Variants in PTPRD observed in about 807,000 individuals in gnomAD.
PTPRD encodes protein tyrosine phosphatase receptor type D.
A neutral mutation model predicts 214.5 loss-of-function variants in PTPRD; 34 were observed. The ratio of observed to expected loss-of-function variants is 0.16; its 90% CI spans 0.12 to 0.21. PTPRD has a LOEUF of 0.21. PTPRD is among the 10% of genes least tolerant of loss of function. The pLI is 1.00. For missense variants in PTPRD, 2,545 were observed against 2,398.7 expected (o/e 1.06, Z -1.27); for synonymous variants, 1,128 against 845.7 (o/e 1.33, Z -5.79).
chr9:10,461,306 CAG>C (rs2098956848), intron 2 of PTPRD, among the ~76,000 whole-genome samples: 1 of 131,674 alleles, frequency 7.6e-6, no homozygotes, highest in East Asian at 2.3e-4. Context: ...TTATGGGAAA[CAG>C]TGTCAGATTT....
intron 11 of PTPRD, chr9:8,962,087 T>G (rs576698370): frequency 6.6e-6 from 1 of 152,162 alleles, no homozygotes; most frequent in Admixed American, 6.6e-5. Context: ...AAAGAGCCAT[T>G]TCTTCTTTCT....
chr9:9,128,295 T>C lies in PTPRD; in HGVS notation c.-143+55009A>G, dbSNP rs184117870. 2.3e-3 allele frequency among the ~76,000 whole-genome samples: 344 copies of C among 152,310 alleles called. 2 individuals carry two copies. Among genetic ancestry groups the C allele is most frequent in the African/African-American group, 7.8e-3 (325 of 41,566 alleles). Reference sequence around the variant, plus strand: ...AAATATTTAGGTCATTAGCTCTCCTTTAACCTTCCGAACTCATACATTTGC... The same window carrying C: ...AAATATTTAGGTCATTAGCTCTCCTCTAACCTTCCGAACTCATACATTTGC... On this transcript the variant is annotated intron_variant, in intron 10 of 45. Transcript: ENST00000381196.
intron 9 of PTPRD, among the ~76,000 whole-genome samples, chr9:9,331,267 C>T (rs1296056460): frequency 6.6e-6 from 1 of 152,040 alleles, no homozygotes; most frequent in Non-Finnish European, 1.5e-5. Context: ...ATCTCTCAGG[C>T]TTTCCTGATG....
Position 8,988,352 on chromosome 9 carries a change from G to C in PTPRD, c.-104+30345C>G, listed in dbSNP as rs533233791. On this transcript the variant is annotated intron_variant, in intron 11 of 45. Transcript: ENST00000381196. ...AAGAAATATGGAGTCCAATTAATCTGTTTCTTTAACTCCCATCAATTGTTG... is the reference window on the plus strand; with the variant it reads ...AAGAAATATGGAGTCCAATTAATCTCTTTCTTTAACTCCCATCAATTGTTG... Among the ~76,000 whole-genome samples the C allele has an allele frequency of 1.1e-4, 17 of 152,078 alleles. No individual in the cohort carries two copies. The South Asian group carries it at 3.3e-3, about 30-fold the overall frequency.
intron 2 of PTPRD, among the ~76,000 whole-genome samples, chr9:10,359,308 T>C (rs1598018362): frequency 1.3e-5 from 2 of 152,186 alleles, no homozygotes; most frequent in South Asian, 4.1e-4. Context: ...ATAAGCCATG[T>C]AGTAAAGAAG....
rs114481390 is a variant in PTPRD, at chr9:9,489,129, A to G, written c.-237+85603T>C. On this transcript the variant is annotated intron_variant, in intron 8 of 45. Coordinates refer to ENST00000381196, the MANE Select transcript of PTPRD (RefSeq NM_002839.4). ...GATTAGGGCATTCATAAATAATTGC[A>G]TATATGAGAAACAGTAGGAAGTAAC... 3.2e-3 allele frequency among the ~76,000 whole-genome samples: 492 copies of G among 152,268 alleles called. 1 individual carries two copies. The highest frequency in any genetic ancestry group is 0.011 in the African/African-American group (467 of 41,560).
In PTPRD at chr9:10,128,625, T is replaced by C. The variant is rs142635418; in HGVS notation, c.-544-94835A>G. ...CCACCCATATTGTGGCATTTTGTTA[T>C]GGCAGTTCTGGCAAACTAATAGAAT... On this transcript the variant is annotated intron_variant, in intron 3 of 45. Coordinates refer to ENST00000381196, the MANE Select transcript of PTPRD (RefSeq NM_002839.4). Among the ~76,000 whole-genome samples the C allele has an allele frequency of 4.2e-3, 643 of 152,282 alleles. 7 individuals are homozygous for C. The highest frequency in any genetic ancestry group is 9.1e-3 in the African/African-American group (377 of 41,568).
At chr9:10,054,225 T>C (rs769280443) in intron 3 of PTPRD, among the ~76,000 whole-genome samples, 1 of 152,146 alleles carries the variant, frequency 6.6e-6, no homozygotes, top group Non-Finnish European at 1.5e-5. Flanking sequence ...ATGACACAAA[T>C]GATATTGTGC....
chr9:9,386,441 G>A (rs540508959), intron 9 of PTPRD, among the ~76,000 whole-genome samples: 2 of 152,110 alleles, frequency 1.3e-5, no homozygotes, highest in South Asian at 2.1e-4. Flanking sequence ...GGTAGATCCC[G>A]GTAAAACGAA....
At chr9:8,627,222 C>T (rs911276707) in intron 14 of PTPRD, among the ~76,000 whole-genome samples, 1 of 151,646 alleles carries the variant, frequency 6.6e-6, no homozygotes, top group Non-Finnish European at 1.5e-5. Context: ...ATTGTTCTTC[C>T]AGGACAATAT....
At chr9:10,265,909 G>T (rs973537162) in intron 3 of PTPRD, among the ~76,000 whole-genome samples, 2 of 151,932 alleles carry the variant, frequency 1.3e-5, no homozygotes, top group Non-Finnish European at 2.9e-5. Flanking sequence ...TTTATGTCCC[G>T]CAAAAATATA....
intron 21 of PTPRD, among the ~76,000 whole-genome samples, chr9:8,508,920 T>C (rs1005252737): frequency 2.0e-5 from 3 of 150,764 alleles, no homozygotes; most frequent in Non-Finnish European, 4.4e-5. Context: ...TGTGTGTGTG[T>C]GTGTGTAAAG....
intron 11 of PTPRD, among the ~76,000 whole-genome samples, chr9:8,901,613 G>A (rs542011710): frequency 3.7e-4 from 57 of 152,238 alleles, no homozygotes; most frequent in Admixed American, 1.5e-3. Flanking sequence ...AGGCTGGAAC[G>A]TAGGTCTCCT....
At chr9:8,674,418 A>G (rs891090098) in intron 12 of PTPRD, among the ~76,000 whole-genome samples, 2 of 131,770 alleles carry the variant, frequency 1.5e-5, no homozygotes, top group African/African-American at 5.7e-5. Context: ...GGATCGCGCC[A>G]CTGCACTCCA....
At chr9:10,374,956 T>G (rs112387607) in intron 2 of PTPRD, among the ~76,000 whole-genome samples, 1,534 of 152,140 alleles carry the variant, frequency 0.01, 23 homozygotes, top group African/African-American at 0.035. Context: ...ATGGGATATT[T>G]ATTTCATATA....
chr9:10,327,025 T>A (rs2096655474), intron 3 of PTPRD, among the ~76,000 whole-genome samples: 1 of 151,412 alleles, frequency 6.6e-6, no homozygotes, highest in African/African-American at 2.4e-5. Flanking sequence ...TTGTGGTTGT[T>A]TAATTTGTTT....
intron 14 of PTPRD, among the ~76,000 whole-genome samples, chr9:8,540,455 T>C (rs961832115): frequency 3.9e-5 from 6 of 152,060 alleles, no homozygotes; most frequent in East Asian, 1.9e-4. Flanking sequence ...ATGAACAAAA[T>C]TGAGTGATAA....
chr9:9,371,596 TTG>T (rs2059512326), intron 9 of PTPRD, among the ~76,000 whole-genome samples: 1 of 152,190 alleles, frequency 6.6e-6, no homozygotes, highest in South Asian at 2.1e-4. Flanking sequence ...GAAGGGTTTT[TTG>T]TGTCTCTATC....
At chr9:10,304,816 A>T (rs538227545) in intron 3 of PTPRD, among the ~76,000 whole-genome samples, 6 of 152,328 alleles carry the variant, frequency 3.9e-5, no homozygotes, top group African/African-American at 1.4e-4. Flanking sequence ...TCAATTCATG[A>T]AAATGGCCAT....
Sources: gnomAD v4.1 joint callset for allele counts (sites outside exome capture counted in the v4.1 genomes callset) on GRCh38, gnomAD v4.1.1 for gene constraint, MANE v1.5 for transcripts, NCBI Gene and HGNC (gene_info 2026-07-23, HGNC 2026-07-21) for gene names.